The following NEGR1 variants were observed in gnomAD, a reference collection of about 807,000 sequenced individuals.
The protein encoded by NEGR1 is IgLON family member 4.
In NEGR1, 10 loss-of-function variants were observed where a neutral mutation model predicts 40.9. That is an observed-to-expected ratio of 0.24 (90% CI 0.15 to 0.42). NEGR1 has a LOEUF of 0.42. Among genes scored for constraint, NEGR1 ranks in the 10% least tolerant of loss-of-function variants. NEGR1 has a pLI of 1.00. For synonymous variants in NEGR1, 185 were observed against 166.8 expected, an observed-to-expected ratio of 1.11 and a Z score of -0.84; for missense variants, 352 against 438.9, an observed-to-expected ratio of 0.80 and a Z score of 1.77.
At chr1:72,240,503 C>A (rs537950192) in intron 1 of NEGR1, among the ~76,000 whole-genome samples, 15 of 151,806 alleles carry the variant, frequency 9.9e-5, no homozygotes, top group African/African-American at 3.1e-4. Flanking sequence ...AGATCCCAAG[C>A]ATTTCTTCAA....
chr1:71,585,964 C>A (rs542227698), intron 6 of NEGR1, among the ~76,000 whole-genome samples: 4 of 152,160 alleles, frequency 2.6e-5, no homozygotes, highest in Non-Finnish European at 5.9e-5. Context: ...TTAATAGGCA[C>A]TTGTTTTAGA....
At chr1:71,655,902 C>A (rs954299) in intron 4 of NEGR1, among the ~76,000 whole-genome samples, 72,648 of 151,976 alleles carry the variant, frequency 0.48, 17,446 homozygotes, top group Middle Eastern at 0.54. Context: ...GTCACCCTAG[C>A]AAGCTTCTGC....
chr1:71,969,126 T>C (rs1646235484), intron 1 of NEGR1, among the ~76,000 whole-genome samples: 1 of 152,094 alleles, frequency 6.6e-6, no homozygotes, highest in South Asian at 2.1e-4. Context: ...GCGATTCTCC[T>C]GCCTCAGCCT....
At chr1:72,072,574 A>G (rs1213907542) in intron 1 of NEGR1, among the ~76,000 whole-genome samples, 1 of 152,196 alleles carries the variant, frequency 6.6e-6, no homozygotes, top group African/African-American at 2.4e-5. Flanking sequence ...CTAGAGAAAT[A>G]AAAGCAATTA....
intron 1 of NEGR1, among the ~76,000 whole-genome samples, chr1:72,074,025 A>C (rs1284482447): frequency 6.6e-6 from 1 of 152,118 alleles, no homozygotes; most frequent in Non-Finnish European, 1.5e-5. Flanking sequence ...TCTTTCATCA[A>C]TTCTATGATA....
In NEGR1 at chr1:71,556,488, G is replaced by A. The variant is rs201782713; in HGVS notation, c.940+36329C>T. 4.4e-4 allele frequency among the ~76,000 whole-genome samples: 67 copies of A among 151,576 alleles called. No individual in the cohort carries two copies. The East Asian group carries it at 7.0e-3, about 16-fold the overall frequency. On this transcript the variant is annotated intron_variant, in intron 6 of 6. Transcript: ENST00000357731. Reference sequence around the variant, plus strand: ...TGGTTTACTCAGCAATTTTAGAAGCGTTTGCTATGATAATGTATATATCCT... The same window carrying A: ...TGGTTTACTCAGCAATTTTAGAAGCATTTGCTATGATAATGTATATATCCT...
At chr1:71,815,645 C>A (rs1426763205) in intron 2 of NEGR1, among the ~76,000 whole-genome samples, 1 of 152,002 alleles carries the variant, frequency 6.6e-6, no homozygotes, top group Non-Finnish European at 1.5e-5. Flanking sequence ...GAGTTGATCT[C>A]TTTACCATTA....
chr1:72,249,337 C>T (rs769511444), intron 1 of NEGR1, among the ~76,000 whole-genome samples: 20 of 152,284 alleles, frequency 1.3e-4, no homozygotes, highest in South Asian at 2.1e-4. Context: ...ACCCAGTTCA[C>T]GGTATTTTTG....
chr1:71,769,032 A>G (rs960506020), intron 3 of NEGR1, among the ~76,000 whole-genome samples: 1 of 151,754 alleles, frequency 6.6e-6, no homozygotes, highest in African/African-American at 2.4e-5. Context: ...TGCCTCCTGT[A>G]CAGCCTACAG....
chr1:72,050,030 T>G (rs2100473515), intron 1 of NEGR1, among the ~76,000 whole-genome samples: 1 of 151,692 alleles, frequency 6.6e-6, no homozygotes, highest in Admixed American at 6.6e-5. Context: ...AATGGCTGCT[T>G]ATATGGGATT....
intron 3 of NEGR1, among the ~76,000 whole-genome samples, chr1:71,722,786 G>A (rs1229402101): frequency 1.3e-5 from 2 of 151,834 alleles, no homozygotes; most frequent in Non-Finnish European, 2.9e-5. Flanking sequence ...ACTCTTAAAT[G>A]CAATTTTATA....
At position 71,942,483 on chromosome 1, in the gene NEGR1, ATTTTTTTTTTTTTT is replaced by A. The variant is rs1162818244; in HGVS notation, c.177-7186_177-7173del. Among the ~76,000 whole-genome samples the A allele has an allele frequency of 9.4e-3, 175 of 18,534 alleles. 4 individuals carry two copies. Among genetic ancestry groups the A allele is most frequent in the African/African-American group, 0.032 (168 of 5,186 alleles). The allele number at this position is 18,534 out of a possible 152,430, so 12.2% of individuals were successfully genotyped here. A position where few individuals can be genotyped will look rare whatever the true frequency, so the allele number is the denominator to read the frequency against. On this transcript the variant is annotated intron_variant, in intron 1 of 6. Coordinates refer to ENST00000357731, the MANE Select transcript of NEGR1 (RefSeq NM_173808.3). ...TATATATATATATATATATATATAT[ATTTTTTTTTTTTTT>A]TTTTTTTTTTTTTTTTTTTTTTGAG...
intron 1 of NEGR1, among the ~76,000 whole-genome samples, chr1:72,161,231 G>A (rs968108804): frequency 2.0e-5 from 3 of 152,112 alleles, no homozygotes; most frequent in Admixed American, 6.5e-5. Context: ...CTGGGGCACT[G>A]AAGAAGATAC....
chr1:72,024,470 T>G (rs2100426059), intron 1 of NEGR1, among the ~76,000 whole-genome samples: 1 of 152,172 alleles, frequency 6.6e-6, no homozygotes, highest in East Asian at 1.9e-4. Flanking sequence ...ATAAATCAAA[T>G]AAAAATCCTT....
At chr1:71,865,437 G>A (rs950110079) in intron 2 of NEGR1, among the ~76,000 whole-genome samples, 2 of 152,124 alleles carry the variant, frequency 1.3e-5, no homozygotes, top group Admixed American at 6.6e-5. Flanking sequence ...CCTTTGCAGG[G>A]ACATGGATGA....
intron 2 of NEGR1, among the ~76,000 whole-genome samples, chr1:71,790,445 C>G (rs1405023630): frequency 6.6e-6 from 1 of 151,964 alleles, no homozygotes; most frequent in Non-Finnish European, 1.5e-5. Flanking sequence ...TGCCATTAGA[C>G]GCCAGACAGA....
At chr1:71,852,663 G>T (rs553587906) in intron 2 of NEGR1, among the ~76,000 whole-genome samples, 1 of 151,970 alleles carries the variant, frequency 6.6e-6, no homozygotes, top group African/African-American at 2.4e-5. Context: ...ATATTTTCAG[G>T]AGTATTACAC....
intron 1 of NEGR1, among the ~76,000 whole-genome samples, chr1:72,091,140 T>C (rs1648473717): frequency 6.6e-6 from 1 of 152,112 alleles, no homozygotes; most frequent in South Asian, 2.1e-4. Context: ...CTCATTTTAC[T>C]AGGGACTGGG....
At chr1:71,558,418 T>C (rs1648325433) in intron 6 of NEGR1, among the ~76,000 whole-genome samples, 1 of 151,652 alleles carries the variant, frequency 6.6e-6, no homozygotes. Flanking sequence ...TGTCACCTGC[T>C]GCAATTATTA....
Sources: allele counts gnomAD v4.1 joint callset (sites outside exome capture counted in the v4.1 genomes callset), GRCh38; gene constraint gnomAD v4.1.1; transcripts MANE v1.5; gene names NCBI Gene and HGNC (gene_info 2026-07-23, HGNC 2026-07-21).